ANK2: variants seen among roughly 807,000 people sequenced by gnomAD.
ANK2 encodes ankyrin 2.
ANK2 carries 83 observed loss-of-function variants against 360.5 expected under a neutral mutation model. That is an observed-to-expected ratio of 0.23 (90% CI 0.19 to 0.28). ANK2 has a LOEUF of 0.28. Ranked by LOEUF, ANK2 falls within the 10% of genes least tolerant of loss-of-function variation. ANK2 has a pLI of 1.00. For synonymous variants in ANK2, 1,740 were observed against 1,759.5 expected, an observed-to-expected ratio of 0.99 and a Z score of 0.28; for missense variants, 4,201 against 4,795.7, an observed-to-expected ratio of 0.88 and a Z score of 3.66.
intron 45 of ANK2, among the ~76,000 whole-genome samples, chr4:113,380,271 A>C (rs1264760452): frequency 1.3e-5 from 2 of 152,166 alleles, no homozygotes; most frequent in African/African-American, 4.8e-5. Context: ...AAAAAGAAGA[A>C]TATATAGTGA....
At chr4:113,229,612 G>A (rs1041590959) in intron 4 of ANK2, among the ~76,000 whole-genome samples, 10 of 152,156 alleles carry the variant, frequency 6.6e-5, no homozygotes, top group African/African-American at 2.4e-4. Context: ...TGAACCCAAG[G>A]AAGAAGTGTG....
intron 1 of ANK2, among the ~76,000 whole-genome samples, chr4:113,153,308 T>G (rs997230827): frequency 2.6e-5 from 4 of 152,200 alleles, no homozygotes; most frequent in Non-Finnish European, 4.4e-5. Flanking sequence ...TTGCTACTTT[T>G]GTGTCATACC....
intron 1 of ANK2, among the ~76,000 whole-genome samples, chr4:113,155,769 A>G (rs1252983617): frequency 6.6e-6 from 1 of 152,172 alleles, no homozygotes; most frequent in Non-Finnish European, 1.5e-5. Flanking sequence ...TCTATATAAT[A>G]TTAAAAAATA....
At chr4:113,126,176 G>A (rs1484292529) in intron 1 of ANK2, among the ~76,000 whole-genome samples, 1 of 152,240 alleles carries the variant, frequency 6.6e-6, no homozygotes, top group Non-Finnish European at 1.5e-5. Context: ...GATAATACCA[G>A]GAGTTAGAAA....
chr4:112,792,628 T>G, the ANK2 span, among the ~76,000 whole-genome samples: 2 of 152,186 alleles, frequency 1.3e-5, no homozygotes, highest in African/African-American at 4.8e-5. Flanking sequence ...AATAAATATT[T>G]TATATAACTA....
intron 4 of ANK2, among the ~76,000 whole-genome samples, chr4:113,200,478 C>T (rs184246594): frequency 8.1e-4 from 123 of 152,294 alleles, no homozygotes; most frequent in Non-Finnish European, 1.5e-3. Flanking sequence ...AGTCCCTTCT[C>T]CCCCTCCCCA....
intron 2 of ANK2, among the ~76,000 whole-genome samples, chr4:113,195,631 C>G (rs192935571): frequency 6.6e-6 from 1 of 152,150 alleles, no homozygotes; most frequent in Admixed American, 6.5e-5. Context: ...TAATTGGCAC[C>G]ATGTACCAGC....
chr4:112,785,919 C>T, the ANK2 span, among the ~76,000 whole-genome samples: 1 of 152,160 alleles, frequency 6.6e-6, no homozygotes, highest in Non-Finnish European at 1.5e-5. Context: ...TGGCTCACTG[C>T]AGCCTCTGCC....
intron 2 of ANK2, among the ~76,000 whole-genome samples, chr4:112,983,431 C>T (rs2043773405): frequency 6.6e-6 from 1 of 150,750 alleles, no homozygotes; most frequent in Non-Finnish European, 1.5e-5. Flanking sequence ...AATTCCAGCA[C>T]TTTGGGAGGC....
chr4:112,841,649 C>T (rs2062106561), intron 1 of ANK2, among the ~76,000 whole-genome samples: 1 of 152,184 alleles, frequency 6.6e-6, no homozygotes, highest in Non-Finnish European at 1.5e-5. Flanking sequence ...TGGGCTTTAT[C>T]CTGGCTTCCT....
At chr4:113,227,227 T>A (rs1278935899) in intron 4 of ANK2, among the ~76,000 whole-genome samples, 1 of 152,166 alleles carries the variant, frequency 6.6e-6, no homozygotes, top group East Asian at 1.9e-4. Flanking sequence ...CTGTAGTAAA[T>A]CTTTATTGCC....
chr4:113,069,239 TGAAGA>T (rs1475843762), intron 1 of ANK2, among the ~76,000 whole-genome samples: 1 of 151,892 alleles, frequency 6.6e-6, no homozygotes, highest in African/African-American at 2.4e-5. Context: ...CAGAGAGAAA[TGAAGA>T]GAAGAACATT....
At chr4:113,365,928 C>G (rs1197467876) in intron 41 of ANK2, among the ~76,000 whole-genome samples, 1 of 152,126 alleles carries the variant, frequency 6.6e-6, no homozygotes, top group Non-Finnish European at 1.5e-5. Context: ...TTTTCTAAAG[C>G]CATCATCTCT....
chr4:113,241,144 A>G (rs1171803602), intron 8 of ANK2, among the ~76,000 whole-genome samples: 1 of 152,260 alleles, frequency 6.6e-6, no homozygotes, highest in East Asian at 1.9e-4. Flanking sequence ...GAATATGAAT[A>G]TACAAAAATT....
Position 113,353,335 on chromosome 4 carries a change from A to G in ANK2, c.4717A>G (p.Arg1573Gly). Residue 1573 changes from arginine (R) to glycine (G), a missense_variant, in exon 38 of 46, where the codon AGA (arginine) becomes GGA (glycine). Transcript: ENST00000357077. ...AATCCTGAGAAGTGGAACCTGCACA[A>G]GAGATGAAAGCAGTGTGCAGAGCTC... ...NEILRSGTCT[R>G]DESSVQSSRS... 1.9e-6 allele frequency: 3 copies of G among 1,614,102 alleles called. No individual in the cohort carries two copies. The highest frequency in any genetic ancestry group is 2.5e-6 in the Non-Finnish European group (3 of 1,179,954).
intron 45 of ANK2, among the ~76,000 whole-genome samples, chr4:113,379,560 T>C (rs2097095220): frequency 6.6e-6 from 1 of 152,216 alleles, no homozygotes; most frequent in Non-Finnish European, 1.5e-5. Flanking sequence ...TAAAGGCTTC[T>C]ACTAGCTTTT....
intron 2 of ANK2, among the ~76,000 whole-genome samples, chr4:113,020,077 A>G (rs1225398582): frequency 6.6e-6 from 1 of 152,186 alleles, no homozygotes; most frequent in African/African-American, 2.4e-5. Context: ...TATCATTTTA[A>G]AAAGCTGTAT....
At chr4:113,310,731 A>G (rs921353476) in intron 23 of ANK2, among the ~76,000 whole-genome samples, 4 of 152,172 alleles carry the variant, frequency 2.6e-5, no homozygotes, top group African/African-American at 4.8e-5. Flanking sequence ...TTTAGTTTTT[A>G]AATAATCTTT....
intron 1 of ANK2, among the ~76,000 whole-genome samples, chr4:113,105,038 T>C (rs2093441934): frequency 6.6e-6 from 1 of 152,006 alleles, no homozygotes; most frequent in Non-Finnish European, 1.5e-5. Context: ...ATTGAGAGGC[T>C]AATGTTCATG....
Sources: allele counts gnomAD v4.1 joint callset (sites outside exome capture counted in the v4.1 genomes callset), GRCh38; gene constraint gnomAD v4.1.1; transcripts MANE v1.5; gene names NCBI Gene and HGNC (gene_info 2026-07-23, HGNC 2026-07-21).